The following FHIT variants were observed in gnomAD, a reference collection of about 807,000 sequenced individuals.
The protein encoded by FHIT is bis(5'-adenosyl)-triphosphatase.
A neutral mutation model predicts 17.9 loss-of-function variants in FHIT; 19 were observed. The ratio of observed to expected loss-of-function variants is 1.06; its 90% CI spans 0.74 to 1.56. The LOEUF is 1.56. FHIT is among the 40% of genes most tolerant of loss of function. The pLI is 0.00. For synonymous variants in FHIT, 81 were observed against 69.7 expected (o/e 1.16, Z -0.81); for missense variants, 248 against 189.2 (o/e 1.31, Z -1.82).
chr3:60,374,373 T>C (rs1456855614), intron 5 of FHIT, among the ~76,000 whole-genome samples: 1 of 151,980 alleles, frequency 6.6e-6, no homozygotes, highest in Non-Finnish European at 1.5e-5. Context: ...CAGAATTAAT[T>C]TCCTCCGCTG....
chr3:60,422,249 G>T (rs889743101), intron 5 of FHIT, among the ~76,000 whole-genome samples: 31 of 152,200 alleles, frequency 2.0e-4, no homozygotes, highest in African/African-American at 7.5e-4. Context: ...CCAAAGATTT[G>T]CACACAGAAG....
At chr3:60,646,203 G>A (rs2682931) in intron 4 of FHIT, among the ~76,000 whole-genome samples, 116,258 of 152,112 alleles carry the variant, frequency 0.76, 44,758 homozygotes, top group East Asian at 0.85. Context: ...GATAATTACC[G>A]GAGTGAACTA....
At chr3:60,930,332 A>G (rs1319179898) in intron 3 of FHIT, among the ~76,000 whole-genome samples, 1 of 152,214 alleles carries the variant, frequency 6.6e-6, no homozygotes, top group African/African-American at 2.4e-5. Flanking sequence ...TAAAACACCA[A>G]AAGCAATGGT....
intron 5 of FHIT, among the ~76,000 whole-genome samples, chr3:60,257,310 C>A (rs1312153556): frequency 6.6e-6 from 1 of 152,130 alleles, no homozygotes; most frequent in African/African-American, 2.4e-5. Context: ...CACCAGTTGC[C>A]AAATGAATTA....
chr3:60,998,477 A>G (rs1363664349), intron 3 of FHIT, among the ~76,000 whole-genome samples: 1 of 152,178 alleles, frequency 6.6e-6, no homozygotes, highest in African/African-American at 2.4e-5. Flanking sequence ...AGTAACTTCT[A>G]TGAGAAACAA....
chr3:61,176,690 T>C (rs985465105), intron 2 of FHIT, among the ~76,000 whole-genome samples: 2 of 152,192 alleles, frequency 1.3e-5, no homozygotes, highest in Non-Finnish European at 2.9e-5. Flanking sequence ...TAACCAGTTA[T>C]ATTCTCACTG....
intron 3 of FHIT, among the ~76,000 whole-genome samples, chr3:60,895,683 TTTCTTTCTTTCTTTCTTTCTTTC>T (rs1705764821): frequency 1.1e-5 from 1 of 88,848 alleles, no homozygotes; most frequent in Non-Finnish European, 2.9e-5. Context: ...TCTTTCTTTC[TTTCTTTCTTTCTTTCTTTCTTTC>T]TTTCTTTCTT....
intron 8 of FHIT, among the ~76,000 whole-genome samples, chr3:59,769,474 GCTT>G (rs1271765173): frequency 1.3e-5 from 2 of 152,152 alleles, no homozygotes; most frequent in African/African-American, 4.8e-5. Flanking sequence ...CTTCTACATG[GCTT>G]CTTAATTATG....
rs139394566 is a variant in FHIT at position 59,769,559 on chromosome 3, T to C, written c.349-17238A>G. On this transcript the variant is annotated intron_variant, in intron 8 of 9. Transcript: ENST00000492590. Reference sequence around the variant, plus strand: ...CCACGTATTACATTTTTAATCAGTATATATAATTACTTACCGCAAGCTGCC... The same window carrying C: ...CCACGTATTACATTTTTAATCAGTACATATAATTACTTACCGCAAGCTGCC... Among the ~76,000 whole-genome samples, 217 of 152,342 alleles carry C rather than the reference T, an allele frequency of 1.4e-3. 1 individual carries two copies. Among genetic ancestry groups the C allele is most frequent in the Middle Eastern group, 3.4e-3 (1 of 294 alleles).
At chr3:60,392,689 C>T (rs1701279788) in intron 5 of FHIT, among the ~76,000 whole-genome samples, 1 of 152,136 alleles carries the variant, frequency 6.6e-6, no homozygotes, top group Non-Finnish European at 1.5e-5. Context: ...TGAAGCATTC[C>T]TCAGAAGAAT....
chr3:60,210,575 T>C lies in FHIT; in HGVS notation c.104-196423A>G, dbSNP rs140245221. Among the ~76,000 whole-genome samples the C allele has an allele frequency of 6.5e-4, 99 of 152,014 alleles. No homozygotes were observed. In the Middle Eastern group the frequency reaches 0.01, roughly 16 times the overall value. The stretch of plus-strand genomic sequence containing the variant: ...GGAAAAAAACAGCCCAAAATCACAC[T>C]GAAAAATGAGTGAGAAATATGAACT... On this transcript the variant is annotated intron_variant, in intron 5 of 9. Transcript: ENST00000492590.
At chr3:61,000,795 T>G (rs757659589) in intron 3 of FHIT, among the ~76,000 whole-genome samples, 28 of 151,980 alleles carry the variant, frequency 1.8e-4, no homozygotes, top group Non-Finnish European at 1.0e-4. Context: ...CTCCCTCTGG[T>G]CAAATGACCA....
At chr3:61,182,263 T>C (rs759329174) in intron 2 of FHIT, among the ~76,000 whole-genome samples, 2 of 152,196 alleles carry the variant, frequency 1.3e-5, no homozygotes, top group Non-Finnish European at 2.9e-5. Context: ...GGTTAAAGTA[T>C]GAAATGCCTA....
At chr3:61,250,312 G>A (rs933082202) in intron 1 of FHIT, among the ~76,000 whole-genome samples, 5 of 152,244 alleles carry the variant, frequency 3.3e-5, no homozygotes, top group Admixed American at 6.5e-5. Flanking sequence ...CATCAGGTGC[G>A]AGTAGGGACC....
chr3:59,864,241 C>G (rs1702532851), intron 8 of FHIT, among the ~76,000 whole-genome samples: 1 of 152,118 alleles, frequency 6.6e-6, no homozygotes, highest in African/African-American at 2.4e-5. Context: ...GGGAGAGACC[C>G]AGTGGGAGGT....
intron 5 of FHIT, among the ~76,000 whole-genome samples, chr3:60,372,462 CTCTA>C (rs1342307783): frequency 6.6e-6 from 1 of 152,106 alleles, no homozygotes; most frequent in Non-Finnish European, 1.5e-5. Context: ...GTCTGCTTAT[CTCTA>C]TCTCATTGTA....
intron 5 of FHIT, among the ~76,000 whole-genome samples, chr3:60,298,240 C>G (rs1326410715): frequency 6.6e-6 from 1 of 152,000 alleles, no homozygotes; most frequent in Non-Finnish European, 1.5e-5. Context: ...GATGATCATC[C>G]AGACCTTCAG....
chr3:60,677,342 T>A (rs2040644633), intron 4 of FHIT, among the ~76,000 whole-genome samples: 1 of 152,210 alleles, frequency 6.6e-6, no homozygotes, highest in East Asian at 1.9e-4. Context: ...CTCCAGTGAC[T>A]ATTATTCTAT....
intron 3 of FHIT, among the ~76,000 whole-genome samples, chr3:60,932,989 A>G (rs1242392619): frequency 2.0e-5 from 3 of 152,242 alleles, no homozygotes; most frequent in East Asian, 1.9e-4. Context: ...AGATACAGTT[A>G]TAAGTATGCT....
Sources: gnomAD v4.1 joint callset for allele counts (sites outside exome capture counted in the v4.1 genomes callset) on GRCh38, gnomAD v4.1.1 for gene constraint, MANE v1.5 for transcripts, NCBI Gene and HGNC (gene_info 2026-07-23, HGNC 2026-07-21) for gene names.